CCDC144A: variants seen among roughly 807,000 people sequenced by gnomAD.
CCDC144A encodes coiled-coil domain containing 144A, also known as coiled-coil domain-containing protein 144A.
A neutral mutation model predicts 143.8 loss-of-function variants in CCDC144A; 41 were observed. That is an observed-to-expected ratio of 0.29 (90% CI 0.22 to 0.37). The LOEUF (loss-of-function observed/expected upper bound fraction) is 0.37, where lower values mean the gene tolerates loss of function less well. CCDC144A is among the 10% of genes least tolerant of loss of function. The pLI, the probability that CCDC144A is intolerant of heterozygous loss-of-function variation, is 1.00. For missense variants in CCDC144A, 637 were observed against 1,488.8 expected, an observed-to-expected ratio of 0.43 and a Z score of 9.41; for synonymous variants, 242 against 517.9, an observed-to-expected ratio of 0.47 and a Z score of 7.23.
intron 8 of CCDC144A, among the ~76,000 whole-genome samples, chr17:16,724,153 A>G (rs537484605): frequency 3.9e-5 from 6 of 152,044 alleles, no homozygotes; most frequent in Non-Finnish European, 8.8e-5. Context: ...TTTTGATGAG[A>G]TATTTTGTTA....
chr17:16,696,245 C>T (rs1228237516), intron 2 of CCDC144A, among the ~76,000 whole-genome samples: 4 of 151,706 alleles, frequency 2.6e-5, no homozygotes, highest in Non-Finnish European at 4.4e-5. Flanking sequence ...AAACTCCTGA[C>T]CTCAAGTGAT....
the CCDC144A span, among the ~76,000 whole-genome samples, chr17:16,667,311 G>GA: frequency 3.8e-4 from 49 of 127,826 alleles, no homozygotes; most frequent in East Asian, 6.3e-3. Flanking sequence ...GGCGGCTGAG[G>GA]GGCTGAGGAG....
chr17:16,749,261 G>A (rs1388968657), intron 12 of CCDC144A, among the ~76,000 whole-genome samples: 1 of 151,940 alleles, frequency 6.6e-6, no homozygotes, highest in African/African-American at 2.4e-5. Context: ...TGCTGCTTTC[G>A]CTGTATCCCA....
chr17:16,767,294 C>CAA (rs765969718), intron 15 of CCDC144A: 3,374 of 94,648 alleles, frequency 0.036, 2 homozygotes, highest in South Asian at 0.056. Flanking sequence ...GACTCCATCT[C>CAA]AAAAAAAAAA....
the CCDC144A span, among the ~76,000 whole-genome samples, chr17:16,667,303 CGGCTGAGGGGCTGAGGA>C: frequency 2.4e-4 from 32 of 135,832 alleles, no homozygotes; most frequent in East Asian, 1.4e-3. Context: ...GCGGCTGAGG[CGGCTGAGGGGCTGAGGA>C]GGCTGAGGAG....
At chr17:16,669,504 G>C in the CCDC144A span, among the ~76,000 whole-genome samples, 1 of 152,184 alleles carries the variant, frequency 6.6e-6, no homozygotes, top group South Asian at 2.1e-4. Context: ...TAATATTTCT[G>C]TGTGTGCTTA....
chr17:16,737,854 C>CT (rs1356981390), intron 12 of CCDC144A, among the ~76,000 whole-genome samples: 2 of 152,036 alleles, frequency 1.3e-5, no homozygotes, highest in Non-Finnish European at 2.9e-5. Flanking sequence ...TTCATTCTGT[C>CT]TTTTTCTCCT....
chr17:16,757,323 T>C (rs1317278904), intron 12 of CCDC144A, among the ~76,000 whole-genome samples: 1 of 152,258 alleles, frequency 6.6e-6, no homozygotes, highest in African/African-American at 2.4e-5. Context: ...AGGCAGTGTG[T>C]GGAGCAGGCT....
chr17:16,770,382 C>T (rs1252491923), intron 15 of CCDC144A, among the ~76,000 whole-genome samples: 1 of 152,224 alleles, frequency 6.6e-6, no homozygotes, highest in Non-Finnish European at 1.5e-5. Context: ...ATCTTCTGAC[C>T]TTGTGATCCT....
At chr17:16,669,523 G>A in the CCDC144A span, among the ~76,000 whole-genome samples, 2 of 152,352 alleles carry the variant, frequency 1.3e-5, no homozygotes, top group East Asian at 3.9e-4. Context: ...TAAGTGGATA[G>A]ACAAGCATTC....
At position 16,727,695 on chromosome 17, in the gene CCDC144A, T is replaced by A; in HGVS notation, c.2060T>A (p.Leu687Ter). 2 of 1,563,224 alleles carry A rather than the reference T, an allele frequency of 1.3e-6. No individual in the cohort carries two copies. The highest frequency in any genetic ancestry group is 1.7e-6 in the Non-Finnish European group (2 of 1,154,086). The change falls in exon 9 of 17, where the codon TTA (leucine) becomes TAA (stop). Residue 687 changes from leucine (L) to a stop codon, truncating the protein, a stop_gained. Transcript: ENST00000399273. LOFTEE classifies it high-confidence loss of function. The stretch of plus-strand genomic sequence containing the variant: ...GAAACAAAAAAGACAAAATTACAGT[T>A]AGAACTTCAAAAAATTGAATGGGAG... ...LSETKKTKLQ[L>*]ELQKIEWEKE...
intron 12 of CCDC144A, among the ~76,000 whole-genome samples, chr17:16,760,076 G>A (rs1490730884): frequency 6.6e-6 from 1 of 152,226 alleles, no homozygotes; most frequent in African/African-American, 2.4e-5. Context: ...GGTATGGTTT[G>A]GGCTTTCTCA....
intron 5 of CCDC144A, among the ~76,000 whole-genome samples, chr17:16,711,141 A>ACAAAAC (rs1912391320): frequency 7.5e-6 from 1 of 133,808 alleles, no homozygotes; most frequent in South Asian, 2.5e-4. Flanking sequence ...CAAATGAAAA[A>ACAAAAC]AAAAAAAAAA....
At chr17:16,756,705 A>G (rs1256974636) in intron 12 of CCDC144A, among the ~76,000 whole-genome samples, 1 of 151,296 alleles carries the variant, frequency 6.6e-6, no homozygotes, top group Non-Finnish European at 1.5e-5. Context: ...GATTTTTCAT[A>G]CTTCTTGTGT....
At chr17:16,669,916 C>A in the CCDC144A span, among the ~76,000 whole-genome samples, 1 of 152,046 alleles carries the variant, frequency 6.6e-6, no homozygotes, top group African/African-American at 2.4e-5. Context: ...TAGGCCAGGC[C>A]CGGTGGCTAT....
rs954334279 is a variant in CCDC144A at position 16,762,074 on chromosome 17, T to G, written c.3667-239T>G. ...CACTTTTAAAATTTTAACTTGGTTC[T>G]GTCATTCTTTGGAGAATTGTTCAAC... On this transcript the variant is annotated intron_variant, in intron 13 of 16. Transcript: ENST00000399273. 2.6e-3 allele frequency among the ~76,000 whole-genome samples: 395 copies of G among 152,350 alleles called. 3 individuals are homozygous for G. Among genetic ancestry groups the G allele is most frequent in the African/African-American group, 9.2e-3 (384 of 41,578 alleles).
upstream of CCDC144A, among the ~76,000 whole-genome samples, chr17:16,685,689 A>G (rs1205113764): frequency 6.6e-6 from 1 of 151,724 alleles, no homozygotes; most frequent in African/African-American, 2.4e-5. Context: ...AGGACAAATG[A>G]AAAAGGGAAT....
intron 12 of CCDC144A, among the ~76,000 whole-genome samples, chr17:16,749,086 A>G (rs1016327017): frequency 2.6e-4 from 39 of 151,638 alleles, no homozygotes; most frequent in Non-Finnish European, 5.0e-4. Flanking sequence ...TTGGGCCTCA[A>G]GTTTTCTCAG....
chr17:16,729,624 C>T (rs1270974583), intron 9 of CCDC144A, among the ~76,000 whole-genome samples: 1 of 151,652 alleles, frequency 6.6e-6, no homozygotes, highest in Non-Finnish European at 1.5e-5. Context: ...GGCGTGATCT[C>T]GGCTCATGGC....
Sources: allele counts gnomAD v4.1 joint callset (sites outside exome capture counted in the v4.1 genomes callset), GRCh38; gene constraint gnomAD v4.1.1; transcripts MANE v1.5; gene names NCBI Gene and HGNC (gene_info 2026-07-23, HGNC 2026-07-21).